Variants in DIAPH2 observed in about 807,000 individuals in gnomAD.
DIAPH2 encodes the protein protein diaphanous homolog 2.
DIAPH2 carries 35 observed loss-of-function variants against 92.7 expected under a neutral mutation model. The observed-to-expected ratio is 0.38, with a 90% CI of 0.29 to 0.50. The LOEUF (loss-of-function observed/expected upper bound fraction) is 0.50, where lower values mean the gene tolerates loss of function less well. Among genes scored for constraint, DIAPH2 ranks in the 20% least tolerant of loss-of-function variants. The probability of loss-of-function intolerance (pLI) is 0.94; values close to 1 mark genes in which losing one functional copy is unlikely to be tolerated. For synonymous variants in DIAPH2, 301 were observed against 280.4 expected (o/e 1.07, Z -0.73); for missense variants, 701 against 819.5 (o/e 0.86, Z 1.77).
At chrX:97,520,171 T>TTC (rs2070981308) in intron 26 of DIAPH2, among the ~76,000 whole-genome samples, 2 of 112,844 alleles carry the variant, frequency 1.8e-5, no homozygotes, top group African/African-American at 6.4e-5. Context: ...AGACCTTCTT[T>TTC]TCTTCTTCAT....
At chrX:97,021,607 G>A (rs1193946791) in intron 17 of DIAPH2, among the ~76,000 whole-genome samples, 1 of 111,662 alleles carries the variant, frequency 9.0e-6, no homozygotes, top group Non-Finnish European at 1.9e-5. Context: ...TGTGAATGAC[G>A]TAAAGGTGTA....
intron 26 of DIAPH2, among the ~76,000 whole-genome samples, chrX:97,557,946 CAT>C (rs2071268643): frequency 8.9e-6 from 1 of 112,421 alleles, no homozygotes. Context: ...AAATATTACT[CAT>C]GTTAGTTATA....
intron 19 of DIAPH2, among the ~76,000 whole-genome samples, chrX:97,098,378 C>T (rs1447963880): frequency 1.8e-5 from 2 of 111,766 alleles, no homozygotes; most frequent in Non-Finnish European, 3.8e-5. Context: ...CCCCAGCTTC[C>T]GGTAACCTCA....
chrX:97,434,767 A>G (rs2070164905), intron 26 of DIAPH2, among the ~76,000 whole-genome samples: 1 of 111,512 alleles, frequency 9.0e-6, no homozygotes, highest in Non-Finnish European at 1.9e-5. Flanking sequence ...GAAGAAGGTA[A>G]ATTCAGTTTT....
rs758888948 is a variant in DIAPH2, at chrX:96,979,816, T to C, written c.2050+14609T>C. 4.5e-5 allele frequency among the ~76,000 whole-genome samples: 5 copies of C among 111,719 alleles called. No individual in the cohort carries two copies. The East Asian group carries it at 1.4e-3, about 31-fold the overall frequency. On this transcript the variant is annotated intron_variant, in intron 17 of 26. Coordinates refer to ENST00000324765, the MANE Select transcript of DIAPH2 (RefSeq NM_006729.5). ...AGTCACATAGTAATGAAACAGGAAA[T>C]TTTCCCAGACTCCTTCACTGGCGGA...
intron 4 of DIAPH2, among the ~76,000 whole-genome samples, chrX:96,779,731 T>G (rs1012844457): frequency 8.9e-6 from 1 of 111,920 alleles, no homozygotes; most frequent in African/African-American, 3.2e-5. Flanking sequence ...TACAAATGTG[T>G]TTTCTAAAAA....
At chrX:97,166,194 A>G (rs1182369568) in intron 22 of DIAPH2, among the ~76,000 whole-genome samples, 1 of 111,744 alleles carries the variant, frequency 8.9e-6, no homozygotes, top group South Asian at 3.7e-4. Flanking sequence ...CTATTGTCCT[A>G]TGTTTTATAT....
intron 17 of DIAPH2, among the ~76,000 whole-genome samples, chrX:97,060,763 T>C (rs1184410017): frequency 8.9e-6 from 1 of 112,420 alleles, no homozygotes; most frequent in East Asian, 2.8e-4. Flanking sequence ...TTTGCAGTAA[T>C]GTTATGAATG....
intron 26 of DIAPH2, among the ~76,000 whole-genome samples, chrX:97,448,079 T>A (rs1428320928): frequency 8.9e-6 from 1 of 112,450 alleles, no homozygotes; most frequent in African/African-American, 3.2e-5. Context: ...AAGGCAGATT[T>A]AACTTATTCA....
chrX:96,885,023 CGATT>C (rs1313576911), intron 5 of DIAPH2: 5 of 1,208,422 alleles, frequency 4.1e-6, no homozygotes, highest in African/African-American at 1.8e-5. Context: ...ATCAAGGAAG[CGATT>C]GATTATCTGA....
intron 17 of DIAPH2, among the ~76,000 whole-genome samples, chrX:96,985,187 C>T (rs1263004380): frequency 1.8e-5 from 2 of 111,261 alleles, no homozygotes; most frequent in African/African-American, 6.5e-5. Context: ...CTTATACATG[C>T]CCTGACGGGT....
intron 17 of DIAPH2, among the ~76,000 whole-genome samples, chrX:96,988,023 G>T (rs1212416269): frequency 3.6e-5 from 4 of 110,109 alleles, no homozygotes; most frequent in African/African-American, 1.3e-4. Context: ...AGTCTTTCCA[G>T]AAAGTATGGG....
At chrX:97,093,721 A>G (rs1196506503) in intron 19 of DIAPH2, among the ~76,000 whole-genome samples, 1 of 112,217 alleles carries the variant, frequency 8.9e-6, no homozygotes, top group Admixed American at 9.4e-5. Context: ...GTAGAAAGCA[A>G]TACATGTATT....
At position 96,957,754 on chromosome X, in the gene DIAPH2, CTA is replaced by C. The variant is rs2065821202; in HGVS notation, c.1615-72_1615-71del. 11 of 710,638 alleles carry C rather than the reference CTA, an allele frequency of 1.5e-5. 1 individual carries two copies. The South Asian group carries it at 2.3e-4, about 15-fold the overall frequency. The allele number at this position is 710,638 out of a possible 1,213,427, so 58.6% of individuals were successfully genotyped here. A position where few individuals can be genotyped will look rare whatever the true frequency, so the allele number is the denominator to read the frequency against. On this transcript the variant is annotated intron_variant, in intron 15 of 26. Transcript: ENST00000324765. The stretch of plus-strand genomic sequence containing the variant: ...CATAAGATAAATAAACTACAAATAT[CTA>C]TTGATATATATTTCTTCAGTTTTTT...
At chrX:97,025,772 TGTG>T (rs1356947228) in intron 17 of DIAPH2, among the ~76,000 whole-genome samples, 1 of 112,569 alleles carries the variant, frequency 8.9e-6, no homozygotes, top group Non-Finnish European at 1.9e-5. Flanking sequence ...CTAGAAATCA[TGTG>T]GTAATATTAA....
intron 22 of DIAPH2, among the ~76,000 whole-genome samples, chrX:97,194,284 A>ATT (rs747413352): frequency 4.0e-5 from 4 of 100,953 alleles, no homozygotes; most frequent in African/African-American, 1.1e-4. Flanking sequence ...TATCCTAGAA[A>ATT]TTTTTTTTTT....
chrX:96,982,178 C>T (rs188868091), intron 17 of DIAPH2, among the ~76,000 whole-genome samples: 1 of 111,789 alleles, frequency 8.9e-6, no homozygotes, highest in African/African-American at 3.2e-5. Flanking sequence ...TATCCATGGC[C>T]ACATATTAAT....
At chrX:97,190,370 CTT>C (rs2147478676) in intron 22 of DIAPH2, among the ~76,000 whole-genome samples, 1 of 112,731 alleles carries the variant, frequency 8.9e-6, no homozygotes, top group South Asian at 3.6e-4. Context: ...TGCGGGCTGC[CTT>C]TGTTTCAGCA....
intron 4 of DIAPH2, among the ~76,000 whole-genome samples, chrX:96,848,661 T>C (rs1442718286): frequency 5.4e-5 from 6 of 112,119 alleles, no homozygotes; most frequent in Non-Finnish European, 1.1e-4. Flanking sequence ...GAGCTGTTCA[T>C]AATTTGATGC....
Sources: allele counts gnomAD v4.1 joint callset (sites outside exome capture counted in the v4.1 genomes callset), GRCh38; gene constraint gnomAD v4.1.1; transcripts MANE v1.5; gene names NCBI Gene and HGNC (gene_info 2026-07-23, HGNC 2026-07-21).